The following OPHN1 variants were observed in gnomAD, a reference collection of about 807,000 sequenced individuals.
OPHN1 encodes oligophrenin-1.
OPHN1 carries 11 observed loss-of-function variants against 60.7 expected under a neutral mutation model. The observed-to-expected ratio is 0.18, with a 90% CI of 0.11 to 0.30. The LOEUF (loss-of-function observed/expected upper bound fraction) is 0.30, where lower values mean the gene tolerates loss of function less well. OPHN1 is among the 10% of genes least tolerant of loss of function. The pLI, the probability that OPHN1 is intolerant of heterozygous loss-of-function variation, is 1.00. For synonymous variants in OPHN1, 226 were observed against 222.6 expected (o/e 1.02, Z -0.14); for missense variants, 449 against 611.0 (o/e 0.73, Z 2.80).
chrX:68,239,729 C>G (rs1266951421), intron 5 of OPHN1, among the ~76,000 whole-genome samples: 1 of 111,526 alleles, frequency 9.0e-6, no homozygotes, highest in Non-Finnish European at 1.9e-5. Context: ...TAACACCATG[C>G]TGTTTTGTAA....
rs928784828 is a variant in OPHN1, at chrX:68,064,015, G to A, written c.1997C>T (p.Pro666Leu). 1 of 1,210,440 alleles carries A rather than the reference G, an allele frequency of 8.3e-7. No individual in the cohort carries two copies. Among genetic ancestry groups the A allele is most frequent in the Non-Finnish European group, 1.1e-6 (1 of 895,099 alleles). Residue 666 changes from proline to leucine, a missense_variant, in exon 21 of 25, where the codon CCA becomes CTA. Coordinates refer to ENST00000355520, the MANE Select transcript of OPHN1 (RefSeq NM_002547.3). ...CACCAACTTCCCCACGTCCACCTCT[G>A]GGCAGGGCTCCAACTTGCCATCCAA... is the stretch of plus-strand genomic sequence containing the variant. Reference protein sequence around the residue: ...PILDGKLEPCPEVDVGKLVSR... With the variant: ...PILDGKLEPCLEVDVGKLVSR...
At chrX:68,279,437 C>T (rs1251632916) in intron 4 of OPHN1, among the ~76,000 whole-genome samples, 1 of 109,344 alleles carries the variant, frequency 9.1e-6, no homozygotes, top group Non-Finnish European at 1.9e-5. Context: ...GAGAACATCA[C>T]AGGGATGCCC....
intron 15 of OPHN1, among the ~76,000 whole-genome samples, chrX:68,156,370 GATAAA>G (rs1382287643): frequency 9.8e-6 from 1 of 101,578 alleles, no homozygotes; most frequent in African/African-American, 3.6e-5. Context: ...AAAGAAAAAA[GATAAA>G]ATAAATATAA....
chrX:68,422,355 G>A (rs1014255156), intron 2 of OPHN1, among the ~76,000 whole-genome samples: 3 of 108,108 alleles, frequency 2.8e-5, no homozygotes, highest in South Asian at 4.1e-4. Context: ...AAATCCCATC[G>A]CTACAAAAAA....
chrX:68,109,572 T>C (rs1437440978), intron 18 of OPHN1, among the ~76,000 whole-genome samples: 3 of 111,796 alleles, frequency 2.7e-5, no homozygotes, highest in African/African-American at 9.8e-5. Context: ...CAACTCTACA[T>C]TTAACTTTTG....
At chrX:68,305,714 C>G (rs892136167) in intron 2 of OPHN1, among the ~76,000 whole-genome samples, 1 of 112,665 alleles carries the variant, frequency 8.9e-6, no homozygotes, top group Non-Finnish European at 1.9e-5. Flanking sequence ...TAGCTGCCCA[C>G]TAAGCAAACC....
intron 2 of OPHN1, among the ~76,000 whole-genome samples, chrX:68,402,106 G>T (rs1264729907): frequency 9.0e-6 from 1 of 111,212 alleles, no homozygotes; most frequent in Admixed American, 9.7e-5. Flanking sequence ...AGAAGTTGGC[G>T]GCTAGTGTTT....
chrX:68,421,235 T>C (rs2078825072), intron 2 of OPHN1, among the ~76,000 whole-genome samples: 1 of 111,575 alleles, frequency 9.0e-6, no homozygotes, highest in African/African-American at 3.3e-5. Context: ...GGCTGAGTTG[T>C]TACCCAATTA....
intron 15 of OPHN1, among the ~76,000 whole-genome samples, chrX:68,120,505 G>GA (rs2077146297): frequency 8.9e-6 from 1 of 111,759 alleles, no homozygotes; most frequent in Non-Finnish European, 1.9e-5. Context: ...ACAAATAAAT[G>GA]AAAAAATAGT....
intron 23 of OPHN1, among the ~76,000 whole-genome samples, chrX:68,051,425 C>CA (rs1057098065): frequency 1.8e-4 from 20 of 111,205 alleles, no homozygotes; most frequent in Admixed American, 1.1e-3. Flanking sequence ...CAAAATAAAA[C>CA]AAAAAAATCA....
chrX:68,193,828 G>T (rs2077499161), intron 14 of OPHN1, 62 bp downstream of exon 14: 5 of 964,502 alleles, frequency 5.2e-6, no homozygotes, highest in Admixed American at 2.2e-5. Context: ...CAGAGAAATT[G>T]CCCAGGATAA....
intron 2 of OPHN1, among the ~76,000 whole-genome samples, chrX:68,347,593 C>T (rs2078385196): frequency 9.0e-6 from 1 of 111,631 alleles, no homozygotes; most frequent in African/African-American, 3.3e-5. Context: ...GGTGGAATTA[C>T]AGGCATGAGC....
At chrX:68,242,143 T>C (rs1290703898) in intron 5 of OPHN1, among the ~76,000 whole-genome samples, 1 of 99,111 alleles carries the variant, frequency 1.0e-5, no homozygotes, top group African/African-American at 3.9e-5. Flanking sequence ...CCCAGAGCTT[T>C]GGGAGGCTAA....
At chrX:68,309,766 G>A (rs1272325000) in intron 2 of OPHN1, among the ~76,000 whole-genome samples, 1 of 111,841 alleles carries the variant, frequency 8.9e-6, no homozygotes, top group African/African-American at 3.2e-5. Context: ...GGTCTATTTA[G>A]TGCCACATTT....
intron 2 of OPHN1, among the ~76,000 whole-genome samples, chrX:68,378,698 C>A (rs2078575870): frequency 9.0e-6 from 1 of 111,673 alleles, no homozygotes; most frequent in South Asian, 3.8e-4. Flanking sequence ...GAATCCTTTC[C>A]CCATTGCTTG....
intron 15 of OPHN1, among the ~76,000 whole-genome samples, chrX:68,128,299 C>A (rs1189583930): frequency 9.0e-6 from 1 of 111,162 alleles, no homozygotes; most frequent in Non-Finnish European, 1.9e-5. Context: ...AGGCGATCCT[C>A]TCGCATTGGC....
chrX:68,364,504 G>A (rs1426972130), intron 2 of OPHN1, among the ~76,000 whole-genome samples: 2 of 111,707 alleles, frequency 1.8e-5, no homozygotes, highest in Non-Finnish European at 1.9e-5. Context: ...ACGATAGACT[G>A]CTAAAAGATA....
intron 2 of OPHN1, among the ~76,000 whole-genome samples, chrX:68,360,897 A>G (rs1014269120): frequency 8.9e-6 from 1 of 112,273 alleles, no homozygotes; most frequent in Non-Finnish European, 1.9e-5. Flanking sequence ...GTGCATGGAT[A>G]GCTGAAATGA....
intron 2 of OPHN1, among the ~76,000 whole-genome samples, chrX:68,384,080 C>A (rs768733199): frequency 9.0e-6 from 1 of 111,498 alleles, no homozygotes; most frequent in Non-Finnish European, 1.9e-5. Context: ...AATAAATAAT[C>A]CGGTATGAAA....
Sources: allele counts gnomAD v4.1 joint callset (sites outside exome capture counted in the v4.1 genomes callset), GRCh38; gene constraint gnomAD v4.1.1; transcripts MANE v1.5; gene names NCBI Gene and HGNC (gene_info 2026-07-23, HGNC 2026-07-21).